Variants in SSBP4 observed in about 807,000 individuals in gnomAD.
SSBP4 encodes single-stranded DNA-binding protein 4.
Under a neutral mutation model 64.6 loss-of-function variants are expected in SSBP4, and 33 were observed. The observed-to-expected ratio is 0.51, with a 90% CI of 0.39 to 0.68. The LOEUF (loss-of-function observed/expected upper bound fraction) is 0.68. Among genes scored for constraint, SSBP4 ranks in the 30% least tolerant of loss-of-function variants. The pLI, the probability that SSBP4 is intolerant of heterozygous loss-of-function variation, is 0.00. For missense variants in SSBP4, 583 were observed against 566.8 expected (o/e 1.03, Z -0.29); for synonymous variants, 243 against 224.0 (o/e 1.08, Z -0.76).
In SSBP4 at chr19:18,419,560, C is replaced by T. The variant is rs1568341489; in HGVS notation, c.-89C>T. The T allele has an allele frequency of 2.5e-6, 3 of 1,182,062 alleles. No individual in the cohort carries two copies. Among genetic ancestry groups the T allele is most frequent in the South Asian group, 2.9e-5 (1 of 34,434 alleles). 73.2% of individuals were successfully genotyped at this position (1,182,062 alleles called of 1,614,324 possible). A position where few individuals can be genotyped will look rare whatever the true frequency, so the allele number is the denominator to read the frequency against. Reference sequence around the variant, plus strand: ...GCCTGGGGCTCGGGGCGGTGAGGCCCGGGGCGCGGGGTAGCTATGGCGACG... The same window carrying T: ...GCCTGGGGCTCGGGGCGGTGAGGCCTGGGGCGCGGGGTAGCTATGGCGACG... On this transcript the variant is annotated 5_prime_UTR_variant, in exon 1 of 18. Transcript: ENST00000270061.
Position 18,429,303 on chromosome 19 carries a change from A to G in SSBP4, c.279+1321A>G, listed in dbSNP as rs1048976281. On this transcript the variant is annotated intron_variant, in intron 4 of 17. Coordinates refer to ENST00000270061, the MANE Select transcript of SSBP4 (RefSeq NM_032627.5). ...CCCTGCCGACCTTGGCGTCTCCAGG[A>G]AACGCCGGAGCGCCCAGCCCATCGC... Among the ~76,000 whole-genome samples, 17 of 151,708 alleles carry G rather than the reference A, an allele frequency of 1.1e-4. No homozygotes were observed. The East Asian group carries it at 3.3e-3, about 30-fold the overall frequency.
At chr19:18,422,229 G>C (rs1422298519) in intron 1 of SSBP4, among the ~76,000 whole-genome samples, 1 of 152,130 alleles carries the variant, frequency 6.6e-6, no homozygotes, top group Non-Finnish European at 1.5e-5. Flanking sequence ...AGAAGGAAGA[G>C]ATTTCATAGG....
chr19:18,430,304 G>A (rs767063269), intron 4 of SSBP4, among the ~76,000 whole-genome samples: 18 of 152,260 alleles, frequency 1.2e-4, no homozygotes, highest in Non-Finnish European at 1.9e-4. Flanking sequence ...GGTCTGGGCT[G>A]CCACCACAAT....
the SSBP4 span, among the ~76,000 whole-genome samples, chr19:18,402,823 G>C: frequency 8.8e-4 from 134 of 152,304 alleles, 1 homozygote; most frequent in South Asian, 0.027. Flanking sequence ...CTCCCCATGG[G>C]ATAGTCTGAA....
At chr19:18,429,558 GGACA>G (rs1973173654) in intron 4 of SSBP4, among the ~76,000 whole-genome samples, 1 of 151,976 alleles carries the variant, frequency 6.6e-6, no homozygotes, top group Admixed American at 6.5e-5. Context: ...CCTGCGGGGT[GGACA>G]GACACAGGGC....
Position 18,427,334 on chromosome 19 carries a change from CCG to C in SSBP4, c.60-15_60-14del. 1 of 1,607,570 alleles carries C rather than the reference CCG, an allele frequency of 6.2e-7. No individual in the cohort carries two copies. ...CCTTGGAGAGTCTGAGCTCCCTGGG[CCG>C]CCTCGCCCCCACAGGTTGGCGCTGT... On this transcript the variant is annotated splice_polypyrimidine_tract_variant and intron_variant, in intron 1 of 17. Coordinates refer to ENST00000270061, the MANE Select transcript of SSBP4 (RefSeq NM_032627.5). This position sits in a 1 kb window ranked among gnomAD's most constrained non-coding sequence, Gnocchi z 4.4.
chr19:18,406,674 T>A, the SSBP4 span, among the ~76,000 whole-genome samples: 5 of 151,212 alleles, frequency 3.3e-5, no homozygotes, highest in Non-Finnish European at 5.9e-5. Flanking sequence ...AAAAAAAAAA[T>A]ACAAAGTCTG....
Position 18,427,430 on chromosome 19 carries a change from C to T in SSBP4, c.132+7C>T. 6.2e-7 allele frequency: 1 copy of T among 1,608,976 alleles called. No homozygotes were observed. The highest frequency in any genetic ancestry group is 8.5e-7 in the Non-Finnish European group (1 of 1,179,794). On this transcript the variant is annotated splice_region_variant and intron_variant, in intron 2 of 17. Transcript: ENST00000270061. The surrounding 1 kb of genome is among the most constrained non-coding windows in gnomAD (Gnocchi z 4.4). ...CCAGACCTTCCTGTCTGAGGTAAGCCACCACCTCCAGGCTGGCCCTCCCTC... is the reference window on the plus strand; with the variant it reads ...CCAGACCTTCCTGTCTGAGGTAAGCTACCACCTCCAGGCTGGCCCTCCCTC...
At chr19:18,418,986 CT>C (rs1344904416), upstream of SSBP4, 1 of 985,510 alleles carries the variant, frequency 1.0e-6, no homozygotes, top group Non-Finnish European at 1.2e-6. The surrounding 1 kb of genome is among the most constrained non-coding windows in gnomAD (Gnocchi z 6.7). Flanking sequence ...GTGGGTAGCT[CT>C]GCGGGGTGAG....
At position 18,433,249 on chromosome 19, in the gene SSBP4, TC is replaced by T. The variant is rs1381203142; in HGVS notation, c.991+38del. ...GTCCCTGCTCCCGCCCACGTTGCCT[TC>T]CGGGCCCGTGCGCTCCCTGGCTGCT... is the stretch of plus-strand genomic sequence containing the variant. On this transcript the variant is annotated intron_variant, in intron 15 of 17. Transcript: ENST00000270061. The T allele has an allele frequency of 3.2e-6, 5 of 1,538,862 alleles. No individual in the cohort carries two copies. The East Asian group carries it at 9.8e-5, about 30-fold the overall frequency.
At chr19:18,432,336 C>A in intron 10 of SSBP4, 122 bp downstream of exon 10, 2 of 1,373,702 alleles carry the variant, frequency 1.5e-6, no homozygotes, top group Non-Finnish European at 2.0e-6. Context: ...ATTTCATGGC[C>A]ACCGTTGAGG....
the SSBP4 span, among the ~76,000 whole-genome samples, chr19:18,410,288 G>A: frequency 1.6e-4 from 24 of 151,980 alleles, 1 homozygote; most frequent in Middle Eastern, 0.02. Context: ...GAGCCACCCC[G>A]CCCGGCCTAA....
chr19:18,422,135 T>G (rs1426746668), intron 1 of SSBP4, among the ~76,000 whole-genome samples: 1 of 152,074 alleles, frequency 6.6e-6, no homozygotes, highest in Non-Finnish European at 1.5e-5. Flanking sequence ...CCCTCCAGCC[T>G]GGGTGACAGG....
At chr19:18,407,448 G>C in the SSBP4 span, among the ~76,000 whole-genome samples, 4 of 152,070 alleles carry the variant, frequency 2.6e-5, no homozygotes, top group Admixed American at 6.6e-5. Context: ...ACGGAGTCTC[G>C]TTCTGTTGCC....
rs376576621 is a variant in SSBP4, at chr19:18,427,890, G to C, written c.195-8G>C. The C allele has an allele frequency of 3.5e-5, 57 of 1,613,960 alleles. No individual in the cohort carries two copies. Among genetic ancestry groups the C allele is most frequent in the Non-Finnish European group, 4.3e-5 (51 of 1,180,000 alleles). On this transcript the variant is annotated splice_polypyrimidine_tract_variant and splice_region_variant and intron_variant, in intron 3 of 17. Coordinates refer to ENST00000270061, the MANE Select transcript of SSBP4 (RefSeq NM_032627.5). This position sits in a 1 kb window ranked among gnomAD's most constrained non-coding sequence, Gnocchi z 4.4. ...CGTGGAGCAACCATCTTCCCCTTTG[G>C]CCCACAGCGTCTTCTGGGACCTGTA...
chr19:18,431,675 G>GC lies in SSBP4; in HGVS notation c.469dup (p.Arg157ProfsTer122). The GC allele has an allele frequency of 1.9e-6, 3 of 1,552,588 alleles. No individual in the cohort carries two copies. The highest frequency in any genetic ancestry group is 1.2e-5 in the South Asian group (1 of 84,522). ...TTCATGTCACCGCGCTTCCCAGGGGGCCCCCGGCCCACCCTGCGGATGCCG... is the reference window on the plus strand; with the variant it reads ...TTCATGTCACCGCGCTTCCCAGGGGGCCCCCCGGCCCACCCTGCGGATGCCG... On this transcript the variant is annotated frameshift_variant, in exon 7 of 18. Transcript: ENST00000270061. LOFTEE classifies it high-confidence loss of function.
chr19:18,413,252 G>C, the SSBP4 span, among the ~76,000 whole-genome samples: 1 of 150,842 alleles, frequency 6.6e-6, no homozygotes, highest in Admixed American at 6.7e-5. Flanking sequence ...GAGGCTCCTC[G>C]GCCAGGAGTG....
At chr19:18,409,346 T>C in the SSBP4 span, among the ~76,000 whole-genome samples, 1 of 151,968 alleles carries the variant, frequency 6.6e-6, no homozygotes, top group East Asian at 1.9e-4. Context: ...GCCACGTCAA[T>C]TGGCTAATTT....
chr19:18,404,388 G>T, the SSBP4 span, among the ~76,000 whole-genome samples: 1 of 151,646 alleles, frequency 6.6e-6, no homozygotes, highest in South Asian at 2.1e-4. Flanking sequence ...GAGGTCAGGA[G>T]TTCACGACCA....
Sources: allele counts gnomAD v4.1 joint callset (sites outside exome capture counted in the v4.1 genomes callset), GRCh38; gene constraint gnomAD v4.1.1; non-coding constraint Gnocchi (gnomAD v3.1); transcripts MANE v1.5; gene names NCBI Gene and HGNC (gene_info 2026-07-23, HGNC 2026-07-21).